The following ATP8A2 variants were observed in gnomAD, a reference collection of about 807,000 sequenced individuals.
ATP8A2 encodes ATPase phospholipid transporting 8A2.
ATP8A2 carries 100 observed loss-of-function variants against 165.6 expected under a neutral mutation model. The ratio of observed to expected loss-of-function variants is 0.60; its 90% confidence interval spans 0.51 to 0.71. ATP8A2 has a LOEUF of 0.71. Among genes scored for constraint, ATP8A2 ranks in the 30% least tolerant of loss-of-function variants. The pLI, the probability that ATP8A2 is intolerant of heterozygous loss-of-function variation, is 0.00. For missense variants in ATP8A2, 1,227 were observed against 1,479.5 expected (o/e 0.83, Z 2.80); for synonymous variants, 543 against 548.8 (o/e 0.99, Z 0.15).
intron 24 of ATP8A2, among the ~76,000 whole-genome samples, chr13:25,661,735 T>C (rs1368132863): frequency 6.6e-6 from 1 of 152,184 alleles, no homozygotes; most frequent in Non-Finnish European, 1.5e-5. Flanking sequence ...CTTTTTAACC[T>C]TCCAGTGGGT....
At chr13:25,482,019 C>G (rs183917677) in intron 2 of ATP8A2, among the ~76,000 whole-genome samples, 362 of 152,238 alleles carry the variant, frequency 2.4e-3, no homozygotes, top group Non-Finnish European at 3.6e-3. Context: ...CCCACCCTTC[C>G]CATTAAAGAG....
chr13:25,670,008 G>C (rs1486784743), intron 24 of ATP8A2, among the ~76,000 whole-genome samples: 3 of 152,216 alleles, frequency 2.0e-5, no homozygotes, highest in African/African-American at 4.8e-5. Flanking sequence ...GCTGCCCTAT[G>C]GTGCTGGGGT....
chr13:25,475,081 A>G (rs1441769572), intron 2 of ATP8A2, among the ~76,000 whole-genome samples: 1 of 151,852 alleles, frequency 6.6e-6, no homozygotes, highest in Non-Finnish European at 1.5e-5. Context: ...TGGCCTCCCA[A>G]AGTGCTGGGA....
chr13:25,800,643 C>T (rs182924178), intron 27 of ATP8A2, among the ~76,000 whole-genome samples: 36 of 152,220 alleles, frequency 2.4e-4, no homozygotes, highest in Non-Finnish European at 4.3e-4. Flanking sequence ...AGAAAGTGAA[C>T]ATTTCACAAG....
At chr13:25,656,879 C>A (rs1430900610) in intron 24 of ATP8A2, among the ~76,000 whole-genome samples, 1 of 150,960 alleles carries the variant, frequency 6.6e-6, no homozygotes, top group Non-Finnish European at 1.5e-5. Flanking sequence ...ATGGTGAAAC[C>A]CTGTCTCTAC....
intron 33 of ATP8A2, among the ~76,000 whole-genome samples, chr13:25,925,556 T>G (rs1954578464): frequency 6.6e-6 from 1 of 151,322 alleles, no homozygotes; most frequent in Admixed American, 6.6e-5. Flanking sequence ...AAAACAAAAT[T>G]GTAGATGGGT....
At chr13:25,913,576 G>A (rs1954183366) in intron 33 of ATP8A2, among the ~76,000 whole-genome samples, 1 of 152,166 alleles carries the variant, frequency 6.6e-6, no homozygotes, top group East Asian at 1.9e-4. Flanking sequence ...TGGGGTTCAT[G>A]CCACTGCCTG....
intron 33 of ATP8A2, among the ~76,000 whole-genome samples, chr13:25,960,033 C>T (rs1955622565): frequency 6.6e-6 from 1 of 152,210 alleles, no homozygotes; most frequent in Non-Finnish European, 1.5e-5. Flanking sequence ...AACTTCACTG[C>T]TTTTTGGTTT....
intron 35 of ATP8A2, among the ~76,000 whole-genome samples, chr13:25,975,104 C>T (rs911184931): frequency 6.6e-6 from 1 of 152,162 alleles, no homozygotes; most frequent in East Asian, 1.9e-4. Flanking sequence ...TGGTTTTATA[C>T]GATGGTGTTG....
chr13:25,752,571 G>A (rs1320637782), intron 25 of ATP8A2, among the ~76,000 whole-genome samples: 3 of 152,144 alleles, frequency 2.0e-5, no homozygotes, highest in Non-Finnish European at 4.4e-5. Context: ...GATGTAAAAT[G>A]TATTGTTCTG....
intron 2 of ATP8A2, among the ~76,000 whole-genome samples, chr13:25,493,382 A>G (rs2036582256): frequency 6.6e-6 from 1 of 152,120 alleles, no homozygotes; most frequent in South Asian, 2.1e-4. Flanking sequence ...GAAAATCCCC[A>G]CAGAGATCCT....
rs115510526 is a variant in ATP8A2 at position 25,754,631 on chromosome 13, G to A, written c.2385-14415G>A. On this transcript the variant is annotated intron_variant, in intron 25 of 36. Transcript: ENST00000381655. The stretch of plus-strand genomic sequence containing the variant: ...ATTTTCTGATGTCAAAAAACAGAGC[G>A]GTGTTAGCTCATTTTAAAAAATTGT... 8.3e-3 allele frequency among the ~76,000 whole-genome samples: 1,255 copies of A among 152,100 alleles called. 25 individuals are homozygous for A. Among genetic ancestry groups the A allele is most frequent in the African/African-American group, 0.029 (1,188 of 41,494 alleles).
chr13:25,730,058 G>A (rs550683837), intron 25 of ATP8A2, among the ~76,000 whole-genome samples: 2 of 149,424 alleles, frequency 1.3e-5, no homozygotes, highest in Admixed American at 6.6e-5. Flanking sequence ...TGGAGGCCGA[G>A]GTGGGCAGAT....
intron 34 of ATP8A2, among the ~76,000 whole-genome samples, chr13:25,967,469 G>A (rs1013983187): frequency 4.6e-5 from 7 of 152,196 alleles, no homozygotes; most frequent in African/African-American, 1.7e-4. Context: ...AGGTGGTACA[G>A]GATTCTGCAG....
rs1008615910 is a variant in ATP8A2 at position 25,637,761 on chromosome 13, G to A, written c.2211+48062G>A. Reference sequence around the variant, plus strand: ...GTCTGACAGCTTTGAAGAAAGTAGTGGTTCTCCAGGCATGGAGTTTGAGAT... The same window carrying A: ...GTCTGACAGCTTTGAAGAAAGTAGTAGTTCTCCAGGCATGGAGTTTGAGAT... On this transcript the variant is annotated intron_variant, in intron 24 of 36. Transcript: ENST00000381655. Among the ~76,000 whole-genome samples, 16 of 152,226 alleles carry A rather than the reference G, an allele frequency of 1.1e-4. 1 individual carries two copies. The highest frequency in any genetic ancestry group is 3.3e-4 in the Admixed American group (5 of 15,306).
chr13:25,807,021 G>A (rs980724755), intron 27 of ATP8A2, among the ~76,000 whole-genome samples: 4 of 151,910 alleles, frequency 2.6e-5, no homozygotes, highest in Non-Finnish European at 5.9e-5. Context: ...TTTTGGATTG[G>A]GTTGTCTTTT....
In ATP8A2 at chr13:25,681,219, C is replaced by G. The variant is rs76163872; in HGVS notation, c.2212-17954C>G. On this transcript the variant is annotated intron_variant, in intron 24 of 36. Transcript: ENST00000381655. ...TGAGGTTGTAGGGAGTGTCCAGATA[C>G]CCGGCATGCTTGACTGTCTCTCCCT... Among the ~76,000 whole-genome samples the G allele has an allele frequency of 0.019, 2,956 of 152,216 alleles. 204 individuals carry two copies. In the East Asian group the frequency reaches 0.24, roughly 12 times the overall value.
At chr13:25,843,301 T>C (rs543732746) in intron 30 of ATP8A2, among the ~76,000 whole-genome samples, 15 of 152,244 alleles carry the variant, frequency 9.9e-5, no homozygotes, top group African/African-American at 3.1e-4. Context: ...TGTCAGCCTC[T>C]GGTGAGAGGC....
chr13:25,441,653 A>G (rs2034934489), intron 1 of ATP8A2, among the ~76,000 whole-genome samples: 1 of 152,234 alleles, frequency 6.6e-6, no homozygotes, highest in Non-Finnish European at 1.5e-5. Flanking sequence ...GAAAATTGCC[A>G]TAGTAAACAA....
Sources: allele counts gnomAD v4.1 joint callset (sites outside exome capture counted in the v4.1 genomes callset), GRCh38; gene constraint gnomAD v4.1.1; transcripts MANE v1.5; gene names NCBI Gene and HGNC (gene_info 2026-07-23, HGNC 2026-07-21).